Variants in DNAH9 observed in about 807,000 individuals in gnomAD.
The protein encoded by DNAH9 is DNAH9 variant protein.
In DNAH9, 345 loss-of-function variants were observed where a neutral mutation model predicts 471.6. The ratio of observed to expected loss-of-function variants is 0.73; its 90% CI spans 0.67 to 0.80. DNAH9 has a LOEUF of 0.80. Ranked by LOEUF, DNAH9 falls within the 30% of genes least tolerant of loss-of-function variation. The pLI is 0.00. For synonymous variants in DNAH9, 2,093 were observed against 2,123.6 expected (o/e 0.99, Z 0.40); for missense variants, 5,407 against 5,609.2 (o/e 0.96, Z 1.15).
intron 64 of DNAH9, among the ~76,000 whole-genome samples, chr17:11,933,113 T>G (rs1423070130): frequency 3.3e-5 from 5 of 152,190 alleles, no homozygotes; most frequent in African/African-American, 1.2e-4. Flanking sequence ...TCCCTAAGTC[T>G]CACACCAATG....
At position 11,725,972 on chromosome 17, in the gene DNAH9, G is replaced by T. The variant is rs182652167; in HGVS notation, c.5710-1846G>T. Among the ~76,000 whole-genome samples, 7 of 152,304 alleles carry T rather than the reference G, an allele frequency of 4.6e-5. No individual in the cohort carries two copies. In the East Asian group the frequency reaches 1.2e-3, roughly 25 times the overall value. ...CAATGCTCTGCTCATGTTCTCTGCT[G>T]CAAACCTCCAAAGATCCCTCATAGT... On this transcript the variant is annotated intron_variant, in intron 27 of 68. Transcript: ENST00000262442.
chr17:11,671,406 AGG>A (rs367743220), intron 17 of DNAH9, among the ~76,000 whole-genome samples: 1 of 149,308 alleles, frequency 6.7e-6, no homozygotes, highest in African/African-American at 2.4e-5. Flanking sequence ...CAGGAAGCAG[AGG>A]GGGGGCAGAG....
At chr17:11,610,597 C>T (rs1299473803) in intron 3 of DNAH9, 43 bp downstream of exon 3, 1 of 1,591,264 alleles carries the variant, frequency 6.3e-7, no homozygotes, top group Non-Finnish European at 8.6e-7. Flanking sequence ...GTGAAGATGT[C>T]TTACAGAGAC....
chr17:11,863,465 T>C (rs940906243), intron 50 of DNAH9, among the ~76,000 whole-genome samples: 6 of 152,220 alleles, frequency 3.9e-5, no homozygotes, highest in African/African-American at 1.4e-4. Context: ...TCATCAAGGA[T>C]ATTGGTCTAA....
intron 32 of DNAH9, among the ~76,000 whole-genome samples, chr17:11,752,086 CATATGTGAAT>C (rs1967177528): frequency 6.6e-6 from 1 of 151,996 alleles, no homozygotes; most frequent in African/African-American, 2.4e-5. Flanking sequence ...GACATAAAGC[CATATGTGAAT>C]AAATGAACAG....
chr17:11,878,889 T>C (rs1374892315), intron 53 of DNAH9, among the ~76,000 whole-genome samples: 1 of 152,328 alleles, frequency 6.6e-6, no homozygotes, highest in East Asian at 1.9e-4. Flanking sequence ...TTTTTGAGTT[T>C]TCTTTTTACA....
intron 50 of DNAH9, among the ~76,000 whole-genome samples, chr17:11,868,413 T>C (rs1262586838): frequency 6.6e-6 from 1 of 152,200 alleles, no homozygotes; most frequent in Non-Finnish European, 1.5e-5. Flanking sequence ...TGTGTAAAAA[T>C]ATGTACTCAG....
At chr17:11,827,445 G>A (rs1970536266) in intron 48 of DNAH9, among the ~76,000 whole-genome samples, 1 of 152,124 alleles carries the variant, frequency 6.6e-6, no homozygotes, top group Non-Finnish European at 1.5e-5. Flanking sequence ...AAGACCAAGA[G>A]TTGGGGAGGA....
At chr17:11,944,442 G>T (rs2151435027) in intron 67 of DNAH9, among the ~76,000 whole-genome samples, 1 of 152,302 alleles carries the variant, frequency 6.6e-6, no homozygotes, top group South Asian at 2.1e-4. Context: ...GATCACAAAA[G>T]GCAGGGGCTC....
Position 11,609,977 on chromosome 17 carries a change from A to G in DNAH9, c.615-419A>G, listed in dbSNP as rs145415004. On this transcript the variant is annotated intron_variant, in intron 2 of 68. Coordinates refer to ENST00000262442, the MANE Select transcript of DNAH9 (RefSeq NM_001372.4). ...ACTTTTTCCTTGGGAGAGCCAACCT[A>G]TTGAGAAAGGTGCTGCTTTGTGAAG... Among the ~76,000 whole-genome samples, 182 of 152,328 alleles carry G rather than the reference A, an allele frequency of 1.2e-3. 1 individual carries two copies. The highest frequency in any genetic ancestry group is 6.8e-3 in the Middle Eastern group (2 of 294).
chr17:11,639,753 T>C (rs1286559165), intron 9 of DNAH9, among the ~76,000 whole-genome samples: 3 of 152,210 alleles, frequency 2.0e-5, no homozygotes, highest in Non-Finnish European at 2.9e-5. Flanking sequence ...CTCACGCCTG[T>C]AATCCCAGCA....
At chr17:11,921,584 G>A (rs1283964120) in intron 61 of DNAH9, among the ~76,000 whole-genome samples, 1 of 152,170 alleles carries the variant, frequency 6.6e-6, no homozygotes, top group Non-Finnish European at 1.5e-5. Flanking sequence ...AGACACTGGA[G>A]GGACTTGCTC....
intron 14 of DNAH9, 96 bp downstream of exon 14, chr17:11,653,098 T>A: frequency 7.8e-7 from 1 of 1,287,112 alleles, no homozygotes; most frequent in Non-Finnish European, 1.1e-6. Flanking sequence ...AGTCAGTAAG[T>A]GCAGTGTCTT....
chr17:11,613,907 A>G (rs944183869), intron 4 of DNAH9, among the ~76,000 whole-genome samples: 2 of 152,246 alleles, frequency 1.3e-5, no homozygotes, highest in African/African-American at 4.8e-5. Flanking sequence ...ACATTAGTAG[A>G]TCAATAGACT....
intron 68 of DNAH9, 71 bp from the exon 69 acceptor site, chr17:11,969,229 G>A (rs1454665660): frequency 1.4e-5 from 19 of 1,392,936 alleles, no homozygotes; most frequent in Non-Finnish European, 1.8e-5. Context: ...TGGATCTGCT[G>A]ACAAGAGCAA....
At chr17:11,922,556 G>A (rs1048290605) in intron 61 of DNAH9, among the ~76,000 whole-genome samples, 3 of 152,186 alleles carry the variant, frequency 2.0e-5, no homozygotes, top group South Asian at 2.1e-4. Flanking sequence ...TCTTGCTTCA[G>A]TGGTATGGCT....
intron 61 of DNAH9, among the ~76,000 whole-genome samples, chr17:11,919,108 A>G (rs28410789): frequency 0.19 from 28,485 of 152,084 alleles, 2,766 homozygotes; most frequent in East Asian, 0.27. Context: ...AGTGTACAGA[A>G]ATGCAGACAA....
intron 26 of DNAH9, among the ~76,000 whole-genome samples, chr17:11,712,066 G>A (rs1425005842): frequency 0.13 from 30 of 226 alleles, 13 homozygotes; most frequent in Non-Finnish European, 0.75. Flanking sequence ...ATATATATTT[G>A]TATATATATA....
intron 67 of DNAH9, among the ~76,000 whole-genome samples, chr17:11,948,004 A>T (rs1365229967): frequency 6.6e-6 from 1 of 151,586 alleles, no homozygotes; most frequent in East Asian, 2.0e-4. Context: ...TGACCTTGTG[A>T]TCCACCCACC....
Sources: gnomAD v4.1 joint callset for allele counts (sites outside exome capture counted in the v4.1 genomes callset) on GRCh38, gnomAD v4.1.1 for gene constraint, MANE v1.5 for transcripts, NCBI Gene and HGNC (gene_info 2026-07-23, HGNC 2026-07-21) for gene names.